CYB5B: variants seen among roughly 807,000 people sequenced by gnomAD.
CYB5B encodes the protein cytochrome b5 type B (outer mitochondrial membrane).
CYB5B carries 14 observed loss-of-function variants against 21.3 expected under a neutral mutation model. The observed-to-expected ratio is 0.66, with a 90% CI of 0.43 to 1.03. The LOEUF is 1.03. Among genes scored for constraint, CYB5B ranks in the 50% least tolerant of loss-of-function variants. The probability of loss-of-function intolerance (pLI) is 0.00; values close to 1 mark genes in which losing one functional copy is unlikely to be tolerated. For missense variants in CYB5B, 166 were observed against 185.1 expected (o/e 0.90, Z 0.60); for synonymous variants, 69 against 68.4 (o/e 1.01, Z -0.04).
chr16:69,458,925 C>T (rs1183317162), intron 3 of CYB5B, among the ~76,000 whole-genome samples, 168 bp from the exon 4 acceptor site: 2 of 152,088 alleles, frequency 1.3e-5, no homozygotes, highest in African/African-American at 4.8e-5. Flanking sequence ...ATAAAATTCC[C>T]AGTCTATCCA....
intron 1 of CYB5B, 58 bp downstream of exon 1, chr16:69,424,915 G>A (rs974064118): frequency 1.4e-6 from 2 of 1,456,330 alleles, no homozygotes; most frequent in Non-Finnish European, 1.8e-6. Context: ...TGAAAAGGCT[G>A]TGTGGAGTGT....
intron 4 of CYB5B, 197 bp downstream of exon 4, chr16:69,459,318 C>A: frequency 1.6e-6 from 1 of 638,422 alleles, no homozygotes; most frequent in Non-Finnish European, 2.5e-6. Context: ...TTTGAATAAT[C>A]TAAAAGTTTC....
chr16:69,436,511 C>T (rs774216065), intron 1 of CYB5B, among the ~76,000 whole-genome samples: 3 of 152,162 alleles, frequency 2.0e-5, no homozygotes, highest in Non-Finnish European at 4.4e-5. Flanking sequence ...AATGCAAATA[C>T]CTATAGACCT....
intron 3 of CYB5B, among the ~76,000 whole-genome samples, chr16:69,458,189 A>C (rs1172159638): frequency 6.6e-6 from 1 of 152,202 alleles, no homozygotes; most frequent in African/African-American, 2.4e-5. Flanking sequence ...TAAAATGTAC[A>C]AATCAATGGT....
rs2142820468 is a variant in CYB5B at position 69,447,185 on chromosome 16, T to C, written c.210T>C (p.Ala70=). The C allele has an allele frequency of 5.6e-6, 9 of 1,614,124 alleles. No homozygotes were observed. The highest frequency in any genetic ancestry group is 7.6e-6 in the Non-Finnish European group (9 of 1,180,006). The stretch of plus-strand genomic sequence containing the variant: ...GAGAAGAGGTTCTGCTGGAACAAGC[T>C]GGTGTAGATGCAAGTGAAAGCTTTG... ...PGGEEVLLEQ[A]GVDASESFED... The change falls in exon 2 of 5, where the codon GCT becomes GCC. Residue 70 remains alanine, a synonymous_variant. Transcript: ENST00000307892.
At position 69,463,050 on chromosome 16, in the gene CYB5B, C is replaced by G. The variant is rs1368565703; in HGVS notation, c.*530C>G. ...CTTGAGGCCAAGAGTTCAAGACCAG[C>G]CTGGGCAACATAGCGAGACCCCTAT... is the stretch of plus-strand genomic sequence containing the variant. On this transcript the variant is annotated 3_prime_UTR_variant, in exon 5 of 5. Coordinates refer to ENST00000307892, the MANE Select transcript of CYB5B (RefSeq NM_030579.3). 1 of 153,640 alleles carries G rather than the reference C, an allele frequency of 6.5e-6. No homozygotes were observed. The highest frequency in any genetic ancestry group is 1.4e-5 in the Non-Finnish European group (1 of 69,032). 9.5% of individuals were successfully genotyped at this position (153,640 alleles called of 1,614,324 possible).
At chr16:69,434,698 T>A (rs60910663) in intron 1 of CYB5B, among the ~76,000 whole-genome samples, 3,003 of 152,168 alleles carry the variant, frequency 0.02, 101 homozygotes, top group African/African-American at 0.068. Context: ...ACCCCATCTC[T>A]TCTAAAAATA....
intron 1 of CYB5B, chr16:69,443,214 G>A (rs181690523): frequency 6.6e-6 from 1 of 152,652 alleles, no homozygotes; most frequent in East Asian, 1.9e-4. Context: ...GGGATTACAG[G>A]CGTGAGCCAT....
At chr16:69,437,959 C>T (rs2014777974) in intron 1 of CYB5B, among the ~76,000 whole-genome samples, 1 of 152,120 alleles carries the variant, frequency 6.6e-6, no homozygotes. Context: ...GCATACAGTT[C>T]AATGGCATTA....
chr16:69,453,745 G>T (rs568658701), intron 3 of CYB5B, among the ~76,000 whole-genome samples: 59 of 152,192 alleles, frequency 3.9e-4, no homozygotes, highest in African/African-American at 1.4e-3. Flanking sequence ...TTTTAGTAGA[G>T]ATGGGGTTTC....
intron 2 of CYB5B, 78 bp downstream of exon 2, chr16:69,447,356 T>G (rs1333896384): frequency 6.5e-7 from 1 of 1,537,888 alleles, no homozygotes; most frequent in East Asian, 2.3e-5. Flanking sequence ...AGAAATGAAT[T>G]ATTGGCTGGG....
At chr16:69,437,031 C>T (rs1035572254) in intron 1 of CYB5B, among the ~76,000 whole-genome samples, 2 of 152,192 alleles carry the variant, frequency 1.3e-5, no homozygotes, top group Non-Finnish European at 2.9e-5. Context: ...TAGATTTCCC[C>T]TACTATCACA....
chr16:69,462,526 C>G lies in CYB5B; in HGVS notation c.*6C>G, dbSNP rs184570827. 1.8e-5 allele frequency: 29 copies of G among 1,611,890 alleles called. No individual in the cohort carries two copies. Among genetic ancestry groups the G allele is most frequent in the Non-Finnish European group, 1.7e-6 (2 of 1,178,160 alleles). On this transcript the variant is annotated 3_prime_UTR_variant, in exon 5 of 5. Transcript: ENST00000307892. ...CGGAAAGCAAATCCTCCTGAGGAGG[C>G]CTTGCTGAAGTTAGAAAGTGCATCC...
intron 3 of CYB5B, among the ~76,000 whole-genome samples, chr16:69,456,071 C>A (rs547678581): frequency 2.0e-5 from 3 of 152,090 alleles, no homozygotes; most frequent in Non-Finnish European, 4.4e-5. Flanking sequence ...TATAAATATT[C>A]TATTCAGGTA....
chr16:69,435,712 A>T (rs1325583090), intron 1 of CYB5B, among the ~76,000 whole-genome samples: 2 of 152,054 alleles, frequency 1.3e-5, no homozygotes, highest in East Asian at 3.8e-4. Context: ...GTCTCAGCTC[A>T]TTACAACCTC....
At chr16:69,426,324 G>T (rs983902570) in intron 1 of CYB5B, among the ~76,000 whole-genome samples, 4 of 151,470 alleles carry the variant, frequency 2.6e-5, no homozygotes, top group African/African-American at 4.9e-5. Context: ...GCGTGAACCC[G>T]GGAGGTGGCA....
intron 1 of CYB5B, among the ~76,000 whole-genome samples, chr16:69,442,564 G>A (rs182164428): frequency 3.9e-5 from 6 of 152,082 alleles, no homozygotes; most frequent in Admixed American, 1.3e-4. Context: ...CAGGGTCTCC[G>A]TTGCCCAGGC....
At chr16:69,442,250 A>G in intron 1 of CYB5B, among the ~76,000 whole-genome samples, 1 of 152,204 alleles carries the variant, frequency 6.6e-6, no homozygotes, top group African/African-American at 2.4e-5. Context: ...TCAGAAAATA[A>G]TAATGCTTTT....
rs144456778 is a variant in CYB5B, at chr16:69,446,056, A to G, written c.175-1094A>G. Among the ~76,000 whole-genome samples the G allele has an allele frequency of 2.4e-3, 364 of 152,318 alleles. 6 individuals are homozygous for G. In the East Asian group the frequency reaches 0.029, roughly 12 times the overall value. On this transcript the variant is annotated intron_variant, in intron 1 of 4. Coordinates refer to ENST00000307892, the MANE Select transcript of CYB5B (RefSeq NM_030579.3). ...CTTTCACCATTTTCAGAGAGATTTT[A>G]TGCATGGGTATAAATATGCATATAT...
Sources: allele counts gnomAD v4.1 joint callset (sites outside exome capture counted in the v4.1 genomes callset), GRCh38; gene constraint gnomAD v4.1.1; transcripts MANE v1.5; gene names NCBI Gene and HGNC (gene_info 2026-07-23, HGNC 2026-07-21).